CALR3: variants seen among roughly 807,000 people sequenced by gnomAD.
CALR3 encodes the protein calreticulin 3, also known as calreticulin-3.
Under a neutral mutation model 48.7 loss-of-function variants are expected in CALR3, and 39 were observed. The ratio of observed to expected loss-of-function variants is 0.80; its 90% CI spans 0.62 to 1.05. The LOEUF (loss-of-function observed/expected upper bound fraction) is 1.05. CALR3 is among the 50% of genes least tolerant of loss of function. The pLI is 0.00. For missense variants in CALR3, 449 were observed against 474.7 expected, an observed-to-expected ratio of 0.95 and a Z score of 0.50; for synonymous variants, 185 against 172.7, an observed-to-expected ratio of 1.07 and a Z score of -0.56.
intron 8 of CALR3, among the ~76,000 whole-genome samples, chr19:16,479,753 G>A (rs1185052155): frequency 2.0e-5 from 3 of 150,986 alleles, no homozygotes; most frequent in East Asian, 1.9e-4. Context: ...AGCAAAACCC[G>A]TCTCAAAACA....
intron 2 of CALR3, among the ~76,000 whole-genome samples, chr19:16,490,789 ACT>A (rs1158561408): frequency 6.6e-6 from 1 of 151,010 alleles, no homozygotes; most frequent in Non-Finnish European, 1.5e-5. Flanking sequence ...ATGGAGTCTC[ACT>A]CTGTCGCCCA....
In CALR3 at chr19:16,482,670, C is replaced by A. The variant is rs1033739542; in HGVS notation, c.786+8G>T. The A allele has an allele frequency of 1.2e-6, 2 of 1,614,012 alleles. No homozygotes were observed. The highest frequency in any genetic ancestry group is 2.7e-5 in the African/African-American group (2 of 74,914). ...GCATCCCTGGCATCATACAAAGAGGCCACACACCTGGTACGGGGGCTTCTG... is the reference window on the plus strand; with the variant it reads ...GCATCCCTGGCATCATACAAAGAGGACACACACCTGGTACGGGGGCTTCTG... On this transcript the variant is annotated splice_region_variant and intron_variant, in intron 6 of 8. Coordinates refer to ENST00000269881, the MANE Select transcript of CALR3 (RefSeq NM_145046.5).
chr19:16,490,443 C>T lies in CALR3; in HGVS notation c.321G>A (p.Gly107=). The stretch of plus-strand genomic sequence containing the variant: ...CTGCAGGAAAGACCTTAATGTAGCC[C>T]CCTCCACAGTCCATCTTCTGCTCAT... The part of the protein sequence containing the change: ...VKHEQKMDCG[G]GYIKVFPADI... The change falls in exon 3 of 9, where the codon GGG becomes GGA. Residue 107 remains glycine (G), a synonymous_variant. Transcript: ENST00000269881. 6.2e-7 allele frequency: 1 copy of T among 1,614,088 alleles called. No individual in the cohort carries two copies. Among genetic ancestry groups the T allele is most frequent in the Non-Finnish European group, 8.5e-7 (1 of 1,180,026 alleles).
chr19:16,479,386 C>T, intron 8 of CALR3, 112 bp from the exon 9 acceptor site: 2 of 1,213,472 alleles, frequency 1.6e-6, no homozygotes, highest in Non-Finnish European at 2.4e-6. Flanking sequence ...GAGATCGAGA[C>T]CATCCCGGCT....
chr19:16,493,281 G>A (rs984916088), intron 2 of CALR3, among the ~76,000 whole-genome samples: 1 of 152,140 alleles, frequency 6.6e-6, no homozygotes, highest in African/African-American at 2.4e-5. Context: ...AAGATGCCGT[G>A]ACTGTTACAT....
chr19:16,493,233 A>G (rs2093400691), intron 2 of CALR3, among the ~76,000 whole-genome samples: 1 of 152,184 alleles, frequency 6.6e-6, no homozygotes, highest in Non-Finnish European at 1.5e-5. Flanking sequence ...AACTGCCTCC[A>G]GGACTGACCT....
intron 5 of CALR3, 119 bp downstream of exon 5, chr19:16,483,811 G>C: frequency 2.1e-6 from 2 of 934,290 alleles, no homozygotes; most frequent in Non-Finnish European, 1.7e-6. Context: ...CTCTGGGGAG[G>C]GCATTTGGTT....
At chr19:16,486,636 AAAG>A (rs762234201) in intron 3 of CALR3, among the ~76,000 whole-genome samples, 3,590 of 151,514 alleles carry the variant, frequency 0.024, 93 homozygotes, top group Admixed American at 0.079. Flanking sequence ...AAAAAAAAAA[AAAG>A]GTATTTACAC....
chr19:16,480,332 ACC>A, intron 8 of CALR3, among the ~76,000 whole-genome samples: 1 of 151,872 alleles, frequency 6.6e-6, no homozygotes, highest in Non-Finnish European at 1.5e-5. Flanking sequence ...CAGGTGGATC[ACC>A]TGAGGTCAGG....
Position 16,485,219 on chromosome 19 carries a change from C to T in CALR3, c.436G>A (p.Val146Ile). ...ICGFDIKKVH[V>I]ILHFKNKYHE... is the part of the protein sequence containing the mutation. ...TACTTATTCTTGAAATGTAAAATAA[C>T]ATGAACTTTCTTGATATCAAATCCA... Residue 146 changes from valine to isoleucine, a missense_variant, in exon 4 of 9, where the codon GTT (valine) becomes ATT (isoleucine). Val to Ile is a conservative substitution (Grantham distance 29). Coordinates refer to ENST00000269881, the MANE Select transcript of CALR3 (RefSeq NM_145046.5). 6.2e-7 allele frequency: 1 copy of T among 1,610,754 alleles called. No individual in the cohort carries two copies. Among genetic ancestry groups the T allele is most frequent in the South Asian group, 1.1e-5 (1 of 90,948 alleles).
chr19:16,495,668 G>T, intron 2 of CALR3, 83 bp downstream of exon 2: 2 of 1,048,370 alleles, frequency 1.9e-6, no homozygotes, highest in South Asian at 2.6e-5. Flanking sequence ...GAATAAAAGC[G>T]TTTTGGCTGT....
At position 16,490,404 on chromosome 19, in the gene CALR3, C is replaced by T; in HGVS notation, c.360G>A (p.Lys120=). 8 of 1,614,186 alleles carry T rather than the reference C, an allele frequency of 5.0e-6. No individual in the cohort carries two copies. The highest frequency in any genetic ancestry group is 6.8e-6 in the Non-Finnish European group (8 of 1,180,036). Residue 120 remains lysine, a synonymous_variant, in exon 3 of 9, where the codon AAG becomes AAA. Coordinates refer to ENST00000269881, the MANE Select transcript of CALR3 (RefSeq NM_145046.5). ...AGTACTGCGATTTTCCATTCAGGTTCTTCTGGTCAATGTCTGCAGGAAAGA... is the reference window on the plus strand; with the variant it reads ...AGTACTGCGATTTTCCATTCAGGTTTTTCTGGTCAATGTCTGCAGGAAAGA... ...IKVFPADIDQ[K]NLNGKSQYYI...
At chr19:16,482,031 C>A (rs1023163773) in intron 7 of CALR3, among the ~76,000 whole-genome samples, 1 of 150,880 alleles carries the variant, frequency 6.6e-6, no homozygotes, top group South Asian at 2.1e-4. Context: ...CTCAGCGTCC[C>A]GAGTAGCTGG....
At chr19:16,482,650 C>G (rs190012799) in intron 6 of CALR3, 28 bp downstream of exon 6, 1 of 1,614,122 alleles carries the variant, frequency 6.2e-7, no homozygotes, top group South Asian at 1.1e-5. Context: ...CTGGGGCATC[C>G]CTGGCATCAT....
intron 2 of CALR3, among the ~76,000 whole-genome samples, chr19:16,493,060 T>G (rs2093400501): frequency 6.6e-6 from 1 of 152,052 alleles, no homozygotes; most frequent in Admixed American, 6.6e-5. Flanking sequence ...AATAAAAACC[T>G]TGAGCAAGTT....
chr19:16,488,429 G>A (rs1309320869), intron 3 of CALR3, among the ~76,000 whole-genome samples: 1 of 152,038 alleles, frequency 6.6e-6, no homozygotes, highest in Non-Finnish European at 1.5e-5. Flanking sequence ...TTTGGAGATG[G>A]AGTCTCGTTC....
chr19:16,495,768 T>C lies in CALR3; in HGVS notation c.176A>G (p.His59Arg). 6.2e-7 allele frequency: 1 copy of C among 1,613,734 alleles called. No homozygotes were observed. The highest frequency in any genetic ancestry group is 8.5e-7 in the Non-Finnish European group (1 of 1,179,638). ...ACACTAACCTTTATCTTTCTCTTTA[T>C]GACCATAAAACTTGCCCGACGAAAG... ...FRLSSGKFYG[H>R]KEKDKGLQTT... The change falls in exon 2 of 9, where the codon CAT becomes CGT. Residue 59 changes from histidine to arginine, a missense_variant. His to Arg is a conservative substitution (Grantham distance 29). Coordinates refer to ENST00000269881, the MANE Select transcript of CALR3 (RefSeq NM_145046.5).
chr19:16,480,200 C>CA (rs57759885), intron 8 of CALR3, among the ~76,000 whole-genome samples: 8,694 of 70,336 alleles, frequency 0.12, 465 homozygotes, highest in East Asian at 0.27. Context: ...GACTCCGTCT[C>CA]AAAAAAAAAA....
intron 3 of CALR3, among the ~76,000 whole-genome samples, chr19:16,486,120 A>G (rs1020880514): frequency 6.6e-6 from 1 of 151,978 alleles, no homozygotes; most frequent in Non-Finnish European, 1.5e-5. Context: ...GTTTGAGACC[A>G]GCCTGGCCAA....
Sources: gnomAD v4.1 joint callset for allele counts (sites outside exome capture counted in the v4.1 genomes callset) on GRCh38, gnomAD v4.1.1 for gene constraint, MANE v1.5 for transcripts, NCBI Gene and HGNC (gene_info 2026-07-23, HGNC 2026-07-21) for gene names.